Variants in DLGAP4 observed in about 807,000 individuals in gnomAD.
DLGAP4 encodes DLG associated protein 4.
In DLGAP4, 18 loss-of-function variants were observed where a neutral mutation model predicts 86.9. The observed-to-expected ratio is 0.21, with a 90% confidence interval of 0.14 to 0.31. The LOEUF (loss-of-function observed/expected upper bound fraction) is 0.31. Ranked by LOEUF, DLGAP4 falls within the 10% of genes least tolerant of loss-of-function variation. The pLI is 1.00. For missense variants in DLGAP4, 1,085 were observed against 1,362.6 expected, an observed-to-expected ratio of 0.80 and a Z score of 3.21; for synonymous variants, 548 against 574.3, an observed-to-expected ratio of 0.95 and a Z score of 0.65.
At chr20:36,319,129 G>A (rs1238187307) in intron 1 of DLGAP4, among the ~76,000 whole-genome samples, 4 of 151,154 alleles carry the variant, frequency 2.6e-5, no homozygotes, top group African/African-American at 9.7e-5. Context: ...GCAACAGAGC[G>A]AGACTCCATC....
chr20:36,525,525 G>A (rs767432643), intron 11 of DLGAP4: 70 of 386,304 alleles, frequency 1.8e-4, no homozygotes, highest in Non-Finnish European at 3.2e-4. Flanking sequence ...GGCTTCTCTC[G>A]GTGTCACTGT....
intron 1 of DLGAP4, among the ~76,000 whole-genome samples, chr20:36,345,907 AC>A (rs1379225154): frequency 6.6e-6 from 1 of 152,030 alleles, no homozygotes; most frequent in Admixed American, 6.6e-5. Context: ...ACAGGCACTT[AC>A]CACCACACCA....
Position 36,526,808 on chromosome 20 carries a change from T to A in DLGAP4, c.2761-5T>A. On this transcript the variant is annotated splice_region_variant and splice_polypyrimidine_tract_variant and intron_variant, in intron 12 of 12. Transcript: ENST00000339266. ...TTTTGTTCTCTCCTCACTGTCTCAC[T>A]AAAGGAAGAGAAGAAACCACCCCCT... 6.3e-7 allele frequency: 1 copy of A among 1,595,362 alleles called. No homozygotes were observed. Among genetic ancestry groups the A allele is most frequent in the Non-Finnish European group, 8.5e-7 (1 of 1,173,132 alleles).
At chr20:36,430,648 C>CAAAAAAAAA (rs5841233) in intron 2 of DLGAP4, among the ~76,000 whole-genome samples, 1 of 58,972 alleles carries the variant, frequency 1.7e-5, no homozygotes, top group Non-Finnish European at 3.3e-5. Context: ...GACCTTGTTG[C>CAAAAAAAAA]AAAAAAAAAA....
At chr20:36,425,556 T>G (rs1399194714) in intron 2 of DLGAP4, among the ~76,000 whole-genome samples, 1 of 117,000 alleles carries the variant, frequency 8.5e-6, no homozygotes, top group Non-Finnish European at 1.9e-5. Flanking sequence ...CTGGGCGTGG[T>G]GGCTCGCCTG....
chr20:36,478,314 C>T (rs2035035948), intron 7 of DLGAP4, among the ~76,000 whole-genome samples: 1 of 152,164 alleles, frequency 6.6e-6, no homozygotes, highest in Non-Finnish European at 1.5e-5. Flanking sequence ...CCAGTGGAAT[C>T]TGTGCCCTCC....
intron 2 of DLGAP4, among the ~76,000 whole-genome samples, chr20:36,368,585 T>TG (rs2030789544): frequency 6.6e-6 from 1 of 152,174 alleles, no homozygotes. Flanking sequence ...AGTCTGTTGT[T>TG]GCGGCTGCAA....
At chr20:36,442,503 T>G (rs2033476410) in intron 5 of DLGAP4, among the ~76,000 whole-genome samples, 1 of 152,174 alleles carries the variant, frequency 6.6e-6, no homozygotes, top group South Asian at 2.1e-4. Flanking sequence ...CAAGAAGGAC[T>G]TTTAAATAGC....
At chr20:36,524,551 A>G (rs2037585046) in intron 11 of DLGAP4, among the ~76,000 whole-genome samples, 1 of 152,202 alleles carries the variant, frequency 6.6e-6, no homozygotes, top group Non-Finnish European at 1.5e-5. Context: ...ATATCTTTCC[A>G]TGTTGAAACA....
intron 1 of DLGAP4, among the ~76,000 whole-genome samples, chr20:36,336,238 G>A (rs536044685): frequency 7.5e-4 from 114 of 152,226 alleles, no homozygotes; most frequent in African/African-American, 2.7e-3. Flanking sequence ...CTGGCCTCCA[G>A]GGTCACCTAG....
intron 1 of DLGAP4, among the ~76,000 whole-genome samples, chr20:36,325,948 C>T (rs1555890979): frequency 6.6e-6 from 1 of 152,084 alleles, no homozygotes; most frequent in African/African-American, 2.4e-5. Flanking sequence ...GAACTCCTGA[C>T]CTCAGGTGAT....
rs73275117 is a variant in DLGAP4 at position 36,377,019 on chromosome 20, G to A, written c.-73+9744G>A. Among the ~76,000 whole-genome samples the A allele has an allele frequency of 5.2e-3, 791 of 152,286 alleles. 8 individuals carry two copies. The highest frequency in any genetic ancestry group is 0.018 in the African/African-American group (750 of 41,566). ...ACTGGAGCTCCAGATCGCCACCTGG[G>A]CAACTGTGTAAGGACCTGGAGTGTG... is the stretch of plus-strand genomic sequence containing the variant. On this transcript the variant is annotated intron_variant, in intron 2 of 12. Transcript: ENST00000339266.
chr20:36,335,824 T>A (rs1353967111), intron 1 of DLGAP4, among the ~76,000 whole-genome samples: 1 of 152,158 alleles, frequency 6.6e-6, no homozygotes, highest in Non-Finnish European at 1.5e-5. Flanking sequence ...GCTCCTCCTT[T>A]GGGACCTGGT....
At chr20:36,348,943 G>A (rs1408690140) in intron 1 of DLGAP4, among the ~76,000 whole-genome samples, 3 of 150,470 alleles carry the variant, frequency 2.0e-5, no homozygotes, top group Admixed American at 1.3e-4. Flanking sequence ...TCTACTAAAA[G>A]TACAAAAAAA....
At chr20:36,326,151 G>A (rs1480812028) in intron 1 of DLGAP4, among the ~76,000 whole-genome samples, 4 of 152,154 alleles carry the variant, frequency 2.6e-5, no homozygotes, top group Admixed American at 2.6e-4. Flanking sequence ...CTTGTAGGCA[G>A]CATATGTCAA....
chr20:36,338,221 C>T (rs2065341778), intron 1 of DLGAP4, among the ~76,000 whole-genome samples: 1 of 152,080 alleles, frequency 6.6e-6, no homozygotes, highest in African/African-American at 2.4e-5. Context: ...CCCACGAGTG[C>T]AAGGGGGGAG....
intron 7 of DLGAP4, among the ~76,000 whole-genome samples, chr20:36,461,070 T>C (rs1410381702): frequency 6.6e-6 from 1 of 151,828 alleles, no homozygotes; most frequent in East Asian, 1.9e-4. Flanking sequence ...GGAGCCTCGG[T>C]TCCCCCCTTA....
chr20:36,462,569 A>T, intron 7 of DLGAP4: 1 of 1,599,484 alleles, frequency 6.3e-7, no homozygotes, highest in Non-Finnish European at 8.5e-7. Context: ...TCCGGCCCTC[A>T]TGGCTTTGTG....
intron 7 of DLGAP4, among the ~76,000 whole-genome samples, chr20:36,452,670 C>G: frequency 6.6e-6 from 1 of 151,012 alleles, no homozygotes; most frequent in Non-Finnish European, 1.5e-5. Context: ...CCACCACACC[C>G]AGCTAACTTT....
Sources: allele counts gnomAD v4.1 joint callset (sites outside exome capture counted in the v4.1 genomes callset), GRCh38; gene constraint gnomAD v4.1.1; transcripts MANE v1.5; gene names NCBI Gene and HGNC (gene_info 2026-07-23, HGNC 2026-07-21).